The following TRIP12 variants were observed in gnomAD, a reference collection of about 807,000 sequenced individuals.
The protein encoded by TRIP12 is E3 ubiquitin-protein ligase TRIP12.
Under a neutral mutation model 244.2 loss-of-function variants are expected in TRIP12, and 25 were observed. The observed-to-expected ratio is 0.10, with a 90% CI of 0.07 to 0.14. The LOEUF (loss-of-function observed/expected upper bound fraction) is 0.14. Ranked by LOEUF, TRIP12 falls within the 10% of genes least tolerant of loss-of-function variation. TRIP12 has a pLI of 1.00. For missense variants in TRIP12, 1,677 were observed against 2,486.4 expected (o/e 0.67, Z 6.92); for synonymous variants, 905 against 873.1 (o/e 1.04, Z -0.64).
intron 1 of TRIP12, among the ~76,000 whole-genome samples, chr2:229,892,166 A>G (rs1026611615): frequency 1.3e-5 from 2 of 152,214 alleles, no homozygotes; most frequent in African/African-American, 2.4e-5. Context: ...AAGTCCCATG[A>G]AAAGTGAAAT....
chr2:229,786,212 A>T (rs1201478475), intron 33 of TRIP12, among the ~76,000 whole-genome samples: 1 of 152,180 alleles, frequency 6.6e-6, no homozygotes, highest in African/African-American at 2.4e-5. Context: ...ATTTAGATAG[A>T]GAAATAGATA....
chr2:229,830,622 AT>A (rs895789044), intron 7 of TRIP12, 133 bp downstream of exon 7: 85 of 659,634 alleles, frequency 1.3e-4, no homozygotes, highest in South Asian at 2.1e-4. Context: ...GCTACTAAAA[AT>A]TTTTTTTTCT....
chr2:229,807,950 A>C, intron 16 of TRIP12, 86 bp from the exon 17 acceptor site: 7 of 1,395,758 alleles, frequency 5.0e-6, no homozygotes, highest in African/African-American at 1.5e-5. Flanking sequence ...TCTCACACAA[A>C]CCAAAAGTTG....
At chr2:229,802,518 C>A in intron 20 of TRIP12, 59 bp from the exon 21 acceptor site, 3 of 1,291,052 alleles carry the variant, frequency 2.3e-6, no homozygotes, top group Non-Finnish European at 3.3e-6. Context: ...ACCTTCTCCC[C>A]ACCATTACAA....
chr2:229,834,275 C>T (rs966077896), intron 6 of TRIP12, among the ~76,000 whole-genome samples: 1 of 152,180 alleles, frequency 6.6e-6, no homozygotes, highest in Non-Finnish European at 1.5e-5. Context: ...AAAATTGGAC[C>T]ACTTTCTTTA....
intron 4 of TRIP12, 134 bp from the exon 5 acceptor site, chr2:229,841,061 C>T (rs943144264): frequency 1.5e-6 from 1 of 645,172 alleles, no homozygotes; most frequent in African/African-American, 1.9e-5. Flanking sequence ...GTATTACTAG[C>T]TTTATTTCCA....
At chr2:229,910,533 A>C (rs2074057250) in intron 1 of TRIP12, among the ~76,000 whole-genome samples, 2 of 152,182 alleles carry the variant, frequency 1.3e-5, no homozygotes, top group Admixed American at 1.3e-4. Context: ...GAAGATATAA[A>C]ATGATGGTGT....
chr2:229,788,657 C>T, intron 32 of TRIP12, 141 bp downstream of exon 32: 1 of 1,149,618 alleles, frequency 8.7e-7, no homozygotes, highest in South Asian at 1.6e-5. Context: ...ATGCTAAAGC[C>T]ACACAATTAA....
At chr2:229,883,348 T>C (rs1290076370) in intron 1 of TRIP12, among the ~76,000 whole-genome samples, 1 of 152,246 alleles carries the variant, frequency 6.6e-6, no homozygotes, top group African/African-American at 2.4e-5. Context: ...GTTTTCCTTA[T>C]AGAATATTCT....
intron 23 of TRIP12, among the ~76,000 whole-genome samples, chr2:229,798,455 C>A (rs1252552946): frequency 6.7e-6 from 1 of 149,450 alleles, no homozygotes. Flanking sequence ...AAAACAAGTC[C>A]CAAGGACTTA....
chr2:229,875,036 A>T (rs1298790014), intron 2 of TRIP12, among the ~76,000 whole-genome samples: 1 of 152,200 alleles, frequency 6.6e-6, no homozygotes, highest in Non-Finnish European at 1.5e-5. Context: ...CCTGAGAGCA[A>T]GTCAACAGAG....
At chr2:229,910,092 C>A (rs1385624899) in intron 1 of TRIP12, among the ~76,000 whole-genome samples, 1 of 152,132 alleles carries the variant, frequency 6.6e-6, no homozygotes, top group East Asian at 1.9e-4. Flanking sequence ...AGAAACAATT[C>A]CAGAATTTTT....
At chr2:229,829,719 C>T (rs771941394) in intron 7 of TRIP12, among the ~76,000 whole-genome samples, 2 of 152,096 alleles carry the variant, frequency 1.3e-5, no homozygotes, top group East Asian at 3.9e-4. Context: ...GAGGCCGAGA[C>T]GGGAGGATCA....
Position 229,796,703 on chromosome 2 carries a change from T to C in TRIP12, c.3704A>G (p.His1235Arg). 1.9e-6 allele frequency: 3 copies of C among 1,612,274 alleles called. No individual in the cohort carries two copies. The highest frequency in any genetic ancestry group is 2.5e-6 in the Non-Finnish European group (3 of 1,179,634). ...CAACAGCTGCTTCACAAATCCACTA[T>C]GTTGGATTTCAAATGATGAAACATC... ...ESDVSSFEIQ[H>R]SGFVKQLLLY... The change falls in exon 25 of 42, where the codon CAT becomes CGT. Residue 1235 changes from histidine to arginine, a missense_variant. By Grantham distance (29) the His-to-Arg change is conservative. Transcript: ENST00000675903.
chr2:229,819,249 A>T (rs2049342761), intron 8 of TRIP12, among the ~76,000 whole-genome samples: 1 of 152,178 alleles, frequency 6.6e-6, no homozygotes, highest in Non-Finnish European at 1.5e-5. Flanking sequence ...ACACTCCAAA[A>T]TAAAGTCTAG....
At position 229,791,244 on chromosome 2, in the gene TRIP12, G is replaced by A; in HGVS notation, c.4423C>T (p.Pro1475Ser). 6.2e-7 allele frequency: 1 copy of A among 1,613,862 alleles called. No individual in the cohort carries two copies. The highest frequency in any genetic ancestry group is 8.5e-7 in the Non-Finnish European group (1 of 1,179,900). ...WTKTHTIWYKPVREDEESNKD... is the reference protein window; with the variant it reads ...WTKTHTIWYKSVREDEESNKD... The stretch of plus-strand genomic sequence containing the variant: ...TTACTTTCTTCATCCTCTCTCACAG[G>A]TTTATACCTAAAATGACAAGACAGT... The change falls in exon 30 of 42, where the codon CCT becomes TCT. Residue 1475 changes from proline (P) to serine (S), a missense_variant. Transcript: ENST00000675903.
chr2:229,857,376 T>C (rs1251708948), intron 4 of TRIP12, among the ~76,000 whole-genome samples: 1 of 152,156 alleles, frequency 6.6e-6, no homozygotes. Context: ...CTCACACTTA[T>C]AATCCCAACA....
At chr2:229,779,759 C>T (rs774820233) in intron 34 of TRIP12, among the ~76,000 whole-genome samples, 1 of 152,104 alleles carries the variant, frequency 6.6e-6, no homozygotes, top group African/African-American at 2.4e-5. Context: ...AGCTTAGAGC[C>T]TGGGCACTGG....
intron 2 of TRIP12, among the ~76,000 whole-genome samples, chr2:229,873,223 C>T (rs1244578441): frequency 1.3e-5 from 2 of 152,020 alleles, no homozygotes; most frequent in Non-Finnish European, 2.9e-5. Flanking sequence ...GCACTCTTTC[C>T]CCTGATGGTG....
Sources: gnomAD v4.1 joint callset for allele counts (sites outside exome capture counted in the v4.1 genomes callset) on GRCh38, gnomAD v4.1.1 for gene constraint, MANE v1.5 for transcripts, NCBI Gene and HGNC (gene_info 2026-07-23, HGNC 2026-07-21) for gene names.